Variants in NRXN1 observed in about 807,000 individuals in gnomAD.
NRXN1 encodes the protein neurexin-1.
Under a neutral mutation model 150.9 loss-of-function variants are expected in NRXN1, and 39 were observed. That is an observed-to-expected ratio of 0.26 (90% CI 0.20 to 0.34). NRXN1 has a LOEUF of 0.34. Ranked by LOEUF, NRXN1 falls within the 10% of genes least tolerant of loss-of-function variation. The pLI, the probability that NRXN1 is intolerant of heterozygous loss-of-function variation, is 1.00. For synonymous variants in NRXN1, 924 were observed against 757.0 expected (o/e 1.22, Z -3.62); for missense variants, 1,815 against 1,949.9 (o/e 0.93, Z 1.30).
chr2:50,031,698 G>A (rs1344443897), intron 21 of NRXN1, among the ~76,000 whole-genome samples: 2 of 151,970 alleles, frequency 1.3e-5, no homozygotes, highest in Non-Finnish European at 2.9e-5. Flanking sequence ...TCATCCAAAC[G>A]CATCATATAA....
chr2:50,119,493 G>C (rs553978772), intron 18 of NRXN1, among the ~76,000 whole-genome samples: 2 of 151,532 alleles, frequency 1.3e-5, no homozygotes, highest in Non-Finnish European at 2.9e-5. Context: ...CTAAAGCCCC[G>C]CGGCAGGGAT....
At chr2:50,905,563 C>A (rs1197553046) in intron 5 of NRXN1, among the ~76,000 whole-genome samples, 2 of 152,090 alleles carry the variant, frequency 1.3e-5, no homozygotes, top group African/African-American at 4.8e-5. Context: ...ACATCCCTCA[C>A]TATAATCATG....
At chr2:50,777,268 A>C (rs1703775790) in intron 5 of NRXN1, among the ~76,000 whole-genome samples, 1 of 152,186 alleles carries the variant, frequency 6.6e-6, no homozygotes, top group African/African-American at 2.4e-5. Context: ...TTCTTTTAGC[A>C]AATGGGATAT....
intron 2 of NRXN1, among the ~76,000 whole-genome samples, chr2:50,926,638 C>T (rs180863600): frequency 6.6e-6 from 1 of 151,790 alleles, no homozygotes; most frequent in East Asian, 2.0e-4. Flanking sequence ...AAGAGAAGTC[C>T]ACTGGGAACT....
At chr2:50,177,231 A>G (rs2060409618) in intron 18 of NRXN1, among the ~76,000 whole-genome samples, 1 of 152,012 alleles carries the variant, frequency 6.6e-6, no homozygotes, top group Non-Finnish European at 1.5e-5. Context: ...CCAATAGGTA[A>G]TTTTTCAACT....
chr2:50,785,211 G>C (rs1252208642), intron 5 of NRXN1, among the ~76,000 whole-genome samples: 10 of 150,430 alleles, frequency 6.6e-5, no homozygotes, highest in Non-Finnish European at 1.3e-4. Flanking sequence ...CTCGATCGTG[G>C]ATTCCACCCT....
At chr2:51,029,960 T>A (rs1246454860) in intron 1 of NRXN1, among the ~76,000 whole-genome samples, 1 of 152,122 alleles carries the variant, frequency 6.6e-6, no homozygotes, top group Non-Finnish European at 1.5e-5. Flanking sequence ...GAAGAGCTGT[T>A]GGCATGTATG....
chr2:50,739,451 C>T (rs900314270), intron 5 of NRXN1, among the ~76,000 whole-genome samples: 1 of 152,018 alleles, frequency 6.6e-6, no homozygotes, highest in Non-Finnish European at 1.5e-5. Context: ...AATTTTTTAC[C>T]TAAGCAAACC....
At chr2:50,787,365 G>C (rs1705272406) in intron 5 of NRXN1, among the ~76,000 whole-genome samples, 1 of 151,908 alleles carries the variant, frequency 6.6e-6, no homozygotes, top group Non-Finnish European at 1.5e-5. Context: ...TTCGAGACCA[G>C]CCTTGACTAT....
intron 5 of NRXN1, among the ~76,000 whole-genome samples, chr2:50,738,849 G>C (rs1352553423): frequency 6.6e-6 from 1 of 152,156 alleles, no homozygotes; most frequent in Admixed American, 6.5e-5. Context: ...AGAGGTTAAA[G>C]GGTAGCATCC....
chr2:50,461,735 C>A (rs959296505), intron 17 of NRXN1, among the ~76,000 whole-genome samples: 2 of 151,900 alleles, frequency 1.3e-5, no homozygotes, highest in Non-Finnish European at 2.9e-5. Context: ...CTGTTTCCTA[C>A]AATTTCAGAA....
chr2:50,420,620 A>ATGAG (rs1391452758), intron 17 of NRXN1, among the ~76,000 whole-genome samples: 1 of 152,046 alleles, frequency 6.6e-6, no homozygotes, highest in Non-Finnish European at 1.5e-5. Context: ...ATTTGACCAT[A>ATGAG]TGAGGTATTT....
At chr2:50,646,425 T>C (rs1460626950) in intron 5 of NRXN1, among the ~76,000 whole-genome samples, 1 of 152,024 alleles carries the variant, frequency 6.6e-6, no homozygotes, top group African/African-American at 2.4e-5. Flanking sequence ...GACTCTTGCC[T>C]GGTGGAAAAA....
At chr2:50,224,456 A>G (rs1330209531) in intron 18 of NRXN1, among the ~76,000 whole-genome samples, 2 of 151,966 alleles carry the variant, frequency 1.3e-5, no homozygotes, top group Non-Finnish European at 2.9e-5. Context: ...CACTCTAAAG[A>G]GTATTGTTTA....
chr2:50,764,268 G>T (rs1219600825), intron 5 of NRXN1, among the ~76,000 whole-genome samples: 2 of 151,804 alleles, frequency 1.3e-5, no homozygotes, highest in African/African-American at 4.8e-5. Context: ...GATTATAGTG[G>T]GGCATGACAT....
chr2:50,136,715 G>A (rs1706465053), intron 18 of NRXN1, among the ~76,000 whole-genome samples: 1 of 152,174 alleles, frequency 6.6e-6, no homozygotes, highest in Non-Finnish European at 1.5e-5. Context: ...TGTGCAAATT[G>A]AATATCAAAC....
At chr2:50,687,764 G>A (rs1232738653) in intron 5 of NRXN1, among the ~76,000 whole-genome samples, 1 of 152,168 alleles carries the variant, frequency 6.6e-6, no homozygotes, top group Non-Finnish European at 1.5e-5. Flanking sequence ...TGTAGAATAT[G>A]TCCCCATTCA....
intron 19 of NRXN1, among the ~76,000 whole-genome samples, chr2:50,074,445 A>G (rs951293569): frequency 1.3e-5 from 2 of 152,164 alleles, no homozygotes; most frequent in African/African-American, 4.8e-5. Context: ...TAAACTCATA[A>G]ACAAGTTACT....
intron 5 of NRXN1, among the ~76,000 whole-genome samples, chr2:50,750,788 T>C (rs1574344801): frequency 6.6e-6 from 1 of 152,070 alleles, no homozygotes; most frequent in Non-Finnish European, 1.5e-5. Flanking sequence ...ATTAAAAATA[T>C]GTTTCACCTT....
Sources: allele counts gnomAD v4.1 joint callset (sites outside exome capture counted in the v4.1 genomes callset), GRCh38; gene constraint gnomAD v4.1.1; transcripts MANE v1.5; gene names NCBI Gene and HGNC (gene_info 2026-07-23, HGNC 2026-07-21).